The following CSMD1 variants were observed in gnomAD, a reference collection of about 807,000 sequenced individuals.
CSMD1 encodes CUB and sushi domain-containing protein 1.
A neutral mutation model predicts 417.5 loss-of-function variants in CSMD1; 213 were observed. The observed-to-expected ratio is 0.51, with a 90% CI of 0.46 to 0.57. The LOEUF is 0.57. Among genes scored for constraint, CSMD1 ranks in the 20% least tolerant of loss-of-function variants. The probability of loss-of-function intolerance (pLI) is 0.00; values close to 1 mark genes in which losing one functional copy is unlikely to be tolerated. For missense variants in CSMD1, 6,923 were observed against 4,529.7 expected (o/e 1.53, Z -15.17); for synonymous variants, 2,862 against 1,736.8 (o/e 1.65, Z -16.11).
At chr8:2,984,652 CT>C (rs1805714439) in intron 54 of CSMD1, among the ~76,000 whole-genome samples, 1 of 152,182 alleles carries the variant, frequency 6.6e-6, no homozygotes, top group Non-Finnish European at 1.5e-5. Context: ...TCGCCTCATT[CT>C]TTTACTTCAT....
chr8:4,702,688 G>A (rs967062359), intron 1 of CSMD1, among the ~76,000 whole-genome samples: 21 of 151,982 alleles, frequency 1.4e-4, no homozygotes, highest in South Asian at 4.2e-4. Flanking sequence ...TAATACAACC[G>A]TATTTCTATT....
intron 23 of CSMD1, among the ~76,000 whole-genome samples, chr8:3,322,508 A>T (rs529638137): frequency 6.6e-6 from 1 of 152,220 alleles, no homozygotes; most frequent in Non-Finnish European, 1.5e-5. Flanking sequence ...GGAAGTTTCC[A>T]GAAGAGAGAG....
At position 3,383,580 on chromosome 8, in the gene CSMD1, T is replaced by C. The variant is rs529733859; in HGVS notation, c.2782+3914A>G. 3.9e-5 allele frequency among the ~76,000 whole-genome samples: 6 copies of C among 152,330 alleles called. No individual in the cohort carries two copies. In the East Asian group the frequency reaches 5.8e-4, roughly 15 times the overall value. On this transcript the variant is annotated intron_variant, in intron 18 of 69. Coordinates refer to ENST00000635120, the MANE Select transcript of CSMD1 (RefSeq NM_033225.6). ...ATGAAAACAGTGAAATATGGGACTA[T>C]CTTAAAATTAAAAATTTCTATTCAT...
intron 1 of CSMD1, among the ~76,000 whole-genome samples, chr8:4,876,170 C>T (rs1490050771): frequency 6.6e-6 from 1 of 152,030 alleles, no homozygotes; most frequent in Non-Finnish European, 1.5e-5. Flanking sequence ...TATTTCCCTG[C>T]TGGGTAATAA....
chr8:3,703,830 G>C (rs113637341), intron 7 of CSMD1, among the ~76,000 whole-genome samples: 6,527 of 152,208 alleles, frequency 0.043, 387 homozygotes, highest in African/African-American at 0.14. Context: ...CAGCACTTAA[G>C]GAGGCCAAGG....
chr8:3,526,643 G>T (rs6995540), intron 10 of CSMD1, among the ~76,000 whole-genome samples: 19,660 of 152,084 alleles, frequency 0.13, 3,125 homozygotes, highest in African/African-American at 0.37. Flanking sequence ...GTACCTTCCC[G>T]ATCGATATTT....
At chr8:3,800,905 G>C (rs150181485) in intron 5 of CSMD1, among the ~76,000 whole-genome samples, 2 of 152,070 alleles carry the variant, frequency 1.3e-5, no homozygotes, top group South Asian at 2.1e-4. Context: ...ACAACCATGA[G>C]TGAAATAAAC....
chr8:4,784,214 T>G (rs1797292448), intron 1 of CSMD1, among the ~76,000 whole-genome samples: 1 of 152,246 alleles, frequency 6.6e-6, no homozygotes, highest in South Asian at 2.1e-4. Context: ...TTGACTTGTT[T>G]GAACATTGCG....
chr8:4,974,574 C>T (rs754959680), intron 1 of CSMD1, among the ~76,000 whole-genome samples: 7 of 151,952 alleles, frequency 4.6e-5, no homozygotes, highest in Non-Finnish European at 7.4e-5. Context: ...AGATTGGAGT[C>T]GACGTTTTAT....
intron 5 of CSMD1, among the ~76,000 whole-genome samples, chr8:3,826,314 T>TG (rs112583361): frequency 1.3e-5 from 2 of 152,070 alleles, no homozygotes; most frequent in Non-Finnish European, 2.9e-5. Flanking sequence ...TTGTCTTAAC[T>TG]GGGGGCTTGA....
At chr8:4,278,429 TCTGATG>T (rs1223764995) in intron 3 of CSMD1, among the ~76,000 whole-genome samples, 2 of 152,182 alleles carry the variant, frequency 1.3e-5, no homozygotes, top group African/African-American at 4.8e-5. Flanking sequence ...TACAATTACA[TCTGATG>T]CTGCTATAGC....
chr8:3,574,701 G>C (rs1800074697), intron 10 of CSMD1, among the ~76,000 whole-genome samples: 1 of 152,202 alleles, frequency 6.6e-6, no homozygotes, highest in African/African-American at 2.4e-5. Context: ...ATACATAAAG[G>C]AGGAATGTAG....
At chr8:4,314,668 A>C (rs1798819535) in intron 3 of CSMD1, among the ~76,000 whole-genome samples, 1 of 152,100 alleles carries the variant, frequency 6.6e-6, no homozygotes, top group Non-Finnish European at 1.5e-5. Flanking sequence ...TTTGTGAGTT[A>C]AGTGTTAGGT....
At chr8:4,925,497 G>C (rs1239377387) in intron 1 of CSMD1, among the ~76,000 whole-genome samples, 1 of 150,248 alleles carries the variant, frequency 6.7e-6, no homozygotes, top group Non-Finnish European at 1.5e-5. Context: ...CTAGTCTTGT[G>C]TTCCTTATTC....
intron 5 of CSMD1, among the ~76,000 whole-genome samples, chr8:3,870,830 A>T (rs935045749): frequency 6.6e-6 from 1 of 152,154 alleles, no homozygotes; most frequent in Non-Finnish European, 1.5e-5. Flanking sequence ...AGAAAGAAGC[A>T]TCTCCAACAT....
At chr8:3,063,495 G>A (rs1046367957) in intron 49 of CSMD1, among the ~76,000 whole-genome samples, 2 of 152,120 alleles carry the variant, frequency 1.3e-5, no homozygotes, top group Non-Finnish European at 2.9e-5. Context: ...TTGCACTTCT[G>A]GCTAAATACC....
At chr8:3,033,873 A>C (rs1489164053) in intron 50 of CSMD1, among the ~76,000 whole-genome samples, 2 of 152,248 alleles carry the variant, frequency 1.3e-5, no homozygotes, top group African/African-American at 4.8e-5. Flanking sequence ...CTCACTCAGT[A>C]CACAGCAAAC....
chr8:3,355,059 A>T (rs1585044444), intron 21 of CSMD1, among the ~76,000 whole-genome samples: 1 of 152,046 alleles, frequency 6.6e-6, no homozygotes, highest in African/African-American at 2.4e-5. Context: ...AATAACTTGT[A>T]ATCCATTCAA....
chr8:3,753,293 T>C (rs542851013), intron 6 of CSMD1, among the ~76,000 whole-genome samples: 2 of 152,338 alleles, frequency 1.3e-5, no homozygotes, highest in Admixed American at 6.5e-5. Context: ...GAATAGTTTT[T>C]TGCTGTGTTA....
Sources: gnomAD v4.1 joint callset for allele counts (sites outside exome capture counted in the v4.1 genomes callset) on GRCh38, gnomAD v4.1.1 for gene constraint, MANE v1.5 for transcripts, NCBI Gene and HGNC (gene_info 2026-07-23, HGNC 2026-07-21) for gene names.